The following SLAIN2 variants were observed in gnomAD, a reference collection of about 807,000 sequenced individuals.
The protein encoded by SLAIN2 is SLAIN family member 2, also known as SLAIN motif-containing protein 2.
A neutral mutation model predicts 56.6 loss-of-function variants in SLAIN2; 31 were observed. The observed-to-expected ratio is 0.55, with a 90% CI of 0.41 to 0.74. The LOEUF (loss-of-function observed/expected upper bound fraction) is 0.74, where lower values mean the gene tolerates loss of function less well. Ranked by LOEUF, SLAIN2 falls within the 30% of genes least tolerant of loss-of-function variation. SLAIN2 has a pLI of 0.00. For synonymous variants in SLAIN2, 317 were observed against 284.9 expected (o/e 1.11, Z -1.13); for missense variants, 777 against 754.2 (o/e 1.03, Z -0.35).
At chr4:48,403,758 T>C (rs957346226) in intron 6 of SLAIN2, among the ~76,000 whole-genome samples, 1 of 152,202 alleles carries the variant, frequency 6.6e-6, no homozygotes, top group Non-Finnish European at 1.5e-5. Flanking sequence ...GGGTAATGCA[T>C]GGAGGGATCT....
At chr4:48,347,927 G>A (rs1476379322) in intron 1 of SLAIN2, among the ~76,000 whole-genome samples, 1 of 152,184 alleles carries the variant, frequency 6.6e-6, no homozygotes, top group African/African-American at 2.4e-5. Flanking sequence ...CATCCATGTG[G>A]TAGAATGTGT....
chr4:48,401,355 T>G (rs1716550692), intron 6 of SLAIN2, among the ~76,000 whole-genome samples: 1 of 152,210 alleles, frequency 6.6e-6, no homozygotes, highest in African/African-American at 2.4e-5. Context: ...CGATGTTCTG[T>G]CTAATATTGT....
At chr4:48,386,090 GAAAAA>G (rs763740224) in intron 6 of SLAIN2, among the ~76,000 whole-genome samples, 48 of 76,822 alleles carry the variant, frequency 6.2e-4, no homozygotes, top group African/African-American at 1.9e-3. Flanking sequence ...TCTATTGAAA[GAAAAA>G]AAAAAAAAAA....
intron 2 of SLAIN2, among the ~76,000 whole-genome samples, chr4:48,376,648 G>C (rs1384471409): frequency 2.5e-5 from 3 of 120,668 alleles, no homozygotes; most frequent in Non-Finnish European, 4.9e-5. Context: ...TTGAGACGGA[G>C]TCTCGCTCTG....
In SLAIN2 at chr4:48,383,708, G is replaced by T; in HGVS notation, c.1284G>T (p.Val428=). The change falls in exon 6 of 8, where the codon GTG becomes GTT. Residue 428 remains valine, a synonymous_variant. Coordinates refer to ENST00000264313, the MANE Select transcript of SLAIN2 (RefSeq NM_020846.2). The stretch of plus-strand genomic sequence containing the variant: ...CATCTAATACACAAGTTGACTCAGT[G>T]AAAAGCAGCAGAAGTGACTCAAATT... ...SRTSNTQVDS[V]KSSRSDSNFQ... 6.2e-7 allele frequency: 1 copy of T among 1,611,052 alleles called. No individual in the cohort carries two copies. The highest frequency in any genetic ancestry group is 8.5e-7 in the Non-Finnish European group (1 of 1,178,222).
intron 1 of SLAIN2, among the ~76,000 whole-genome samples, chr4:48,343,570 A>T (rs955343373): frequency 8.5e-5 from 13 of 152,202 alleles, no homozygotes; most frequent in Non-Finnish European, 7.3e-5. Context: ...AGAGTGATAG[A>T]ACAAAGAGTA....
chr4:48,362,171 A>G lies in SLAIN2; in HGVS notation c.390-7678A>G, dbSNP rs1053196870. 1.5e-4 allele frequency among the ~76,000 whole-genome samples: 22 copies of G among 150,678 alleles called. 1 individual carries two copies. Among genetic ancestry groups the G allele is most frequent in the Admixed American group, 1.2e-3 (18 of 15,134 alleles). On this transcript the variant is annotated intron_variant, in intron 1 of 7. Transcript: ENST00000264313. ...TTTTTTTCTTGCCTTATTGTACTGT[A>G]TATTATTTAATAAAAGTATGAGAGT...
intron 6 of SLAIN2, among the ~76,000 whole-genome samples, chr4:48,400,436 G>A (rs1286278563): frequency 5.9e-5 from 7 of 119,008 alleles, no homozygotes; most frequent in Non-Finnish European, 8.0e-5. Flanking sequence ...TTGCTCTGTC[G>A]CCCAGGCTGT....
At chr4:48,343,741 C>G (rs1276055264) in intron 1 of SLAIN2, among the ~76,000 whole-genome samples, 2 of 152,146 alleles carry the variant, frequency 1.3e-5, no homozygotes. Context: ...TTGTAACTCT[C>G]AGGAAGATTT....
At chr4:48,380,598 G>T (rs1317560516) in intron 4 of SLAIN2, among the ~76,000 whole-genome samples, 3 of 152,030 alleles carry the variant, frequency 2.0e-5, no homozygotes, top group Non-Finnish European at 2.9e-5. Flanking sequence ...CTTTTTAAAG[G>T]GTTCATGGCT....
chr4:48,372,461 C>G (rs544533425), intron 2 of SLAIN2, among the ~76,000 whole-genome samples: 7 of 152,302 alleles, frequency 4.6e-5, no homozygotes, highest in East Asian at 1.9e-4. Flanking sequence ...TCCAGTAAAA[C>G]TACTTAATGT....
chr4:48,384,992 A>C (rs1039644583), intron 6 of SLAIN2, among the ~76,000 whole-genome samples: 5 of 152,208 alleles, frequency 3.3e-5, no homozygotes, highest in Non-Finnish European at 5.9e-5. Flanking sequence ...GGAGATATAG[A>C]ACTTCATTTT....
At chr4:48,353,799 G>A (rs1715080772) in intron 1 of SLAIN2, among the ~76,000 whole-genome samples, 1 of 152,186 alleles carries the variant, frequency 6.6e-6, no homozygotes, top group East Asian at 1.9e-4. Context: ...AAACAGTTAA[G>A]ATTATTGTAA....
intron 2 of SLAIN2, among the ~76,000 whole-genome samples, chr4:48,373,644 T>TAA (rs1334967600): frequency 6.6e-5 from 10 of 152,020 alleles, no homozygotes; most frequent in South Asian, 2.1e-4. Flanking sequence ...TATATATATA[T>TAA]AATAAAGGAA....
chr4:48,368,131 C>T (rs1426869093), intron 1 of SLAIN2, among the ~76,000 whole-genome samples: 5 of 137,460 alleles, frequency 3.6e-5, no homozygotes, highest in Non-Finnish European at 7.5e-5. Flanking sequence ...TCACTGCAAC[C>T]TCCACCTCCC....
intron 6 of SLAIN2, 127 bp from the exon 7 acceptor site, chr4:48,419,998 T>G (rs746382492): frequency 1.1e-5 from 10 of 894,088 alleles, no homozygotes; most frequent in Non-Finnish European, 1.7e-5. Flanking sequence ...GCTTTTATTG[T>G]TTGCATTGCT....
chr4:48,404,288 C>T lies in SLAIN2; in HGVS notation c.1361-15837C>T, dbSNP rs551591333. The stretch of plus-strand genomic sequence containing the variant: ...TTTTAAAATGCCTTTTGATATTAGA[C>T]TACTTGAAAATGGAGAATGAAAGAA... On this transcript the variant is annotated intron_variant, in intron 6 of 7. Coordinates refer to ENST00000264313, the MANE Select transcript of SLAIN2 (RefSeq NM_020846.2). Among the ~76,000 whole-genome samples, 8 of 152,232 alleles carry T rather than the reference C, an allele frequency of 5.3e-5. No homozygotes were observed. The South Asian group carries it at 1.7e-3, about 32-fold the overall frequency.
intron 1 of SLAIN2, among the ~76,000 whole-genome samples, chr4:48,357,592 C>T (rs1374815968): frequency 9.2e-5 from 14 of 152,074 alleles, no homozygotes; most frequent in Non-Finnish European, 1.8e-4. Flanking sequence ...GCTTGTTGCC[C>T]AGGCTGGAGT....
intron 1 of SLAIN2, among the ~76,000 whole-genome samples, chr4:48,365,205 A>T (rs1329383955): frequency 6.6e-6 from 1 of 151,918 alleles, no homozygotes; most frequent in Non-Finnish European, 1.5e-5. Flanking sequence ...GCAGTGGCTC[A>T]TGCCTGTAAT....
Sources: allele counts gnomAD v4.1 joint callset (sites outside exome capture counted in the v4.1 genomes callset), GRCh38; gene constraint gnomAD v4.1.1; transcripts MANE v1.5; gene names NCBI Gene and HGNC (gene_info 2026-07-23, HGNC 2026-07-21).